The following FOLH1 variants were observed in gnomAD, a reference collection of about 807,000 sequenced individuals.
The protein encoded by FOLH1 is glutamate carboxypeptidase 2.
In FOLH1, 54 loss-of-function variants were observed where a neutral mutation model predicts 93.9. The ratio of observed to expected loss-of-function variants is 0.57; its 90% confidence interval spans 0.46 to 0.72. The LOEUF is 0.72. Ranked by LOEUF, FOLH1 falls within the 30% of genes least tolerant of loss-of-function variation. The pLI, the probability that FOLH1 is intolerant of heterozygous loss-of-function variation, is 0.00. For synonymous variants in FOLH1, 249 were observed against 303.6 expected (o/e 0.82, Z 1.87); for missense variants, 571 against 892.5 (o/e 0.64, Z 4.59).
At chr11:49,174,186 T>C (rs1340027626) in intron 9 of FOLH1, among the ~76,000 whole-genome samples, 3 of 152,172 alleles carry the variant, frequency 2.0e-5, no homozygotes, top group Non-Finnish European at 2.9e-5. Flanking sequence ...TATATATTGT[T>C]TAGTACTCTT....
At chr11:49,160,868 A>G (rs1333924903) in intron 13 of FOLH1, among the ~76,000 whole-genome samples, 1 of 152,148 alleles carries the variant, frequency 6.6e-6, no homozygotes, top group Non-Finnish European at 1.5e-5. Flanking sequence ...GAACTTCTTG[A>G]TTCCTGCTTT....
intron 3 of FOLH1, among the ~76,000 whole-genome samples, chr11:49,194,806 C>T (rs1016088944): frequency 7.9e-5 from 12 of 151,490 alleles, no homozygotes; most frequent in African/African-American, 1.7e-4. Context: ...AACATTATGA[C>T]GAGATAAAAA....
intron 3 of FOLH1, among the ~76,000 whole-genome samples, chr11:49,197,547 T>C (rs1157445373): frequency 6.6e-6 from 1 of 152,240 alleles, no homozygotes; most frequent in African/African-American, 2.4e-5. Flanking sequence ...ACAATGTCTC[T>C]GTATACATTA....
In FOLH1 at chr11:49,206,084, G is replaced by A. The variant is rs750664447; in HGVS notation, c.207C>T (p.Asn69=). Residue 69 remains asparagine, a synonymous_variant, in exon 2 of 19, where the codon AAC becomes AAT. Transcript: ENST00000256999. ...KAFLDELKAE[N]IKKFLYNFTQ... ...GTACTTACTATAAGAACTTCTTGAT[G>A]TTCTCAGCTTTCAATTCATCCAAAA... 6.2e-7 allele frequency: 1 copy of A among 1,611,694 alleles called. No homozygotes were observed. The highest frequency in any genetic ancestry group is 1.1e-5 in the South Asian group (1 of 90,662).
intron 4 of FOLH1, among the ~76,000 whole-genome samples, chr11:49,188,323 T>C (rs1159570451): frequency 6.6e-6 from 1 of 151,958 alleles, no homozygotes; most frequent in Non-Finnish European, 1.5e-5. Flanking sequence ...AAGACCAGCC[T>C]GGCCAACATA....
At chr11:49,208,240 C>T in intron 1 of FOLH1, 52 bp downstream of exon 1, 4 of 1,314,556 alleles carry the variant, frequency 3.0e-6, no homozygotes, top group Admixed American at 5.1e-5. Flanking sequence ...GTCCCAGCAC[C>T]GCGGCACCAC....
At chr11:49,169,328 T>C in intron 11 of FOLH1, 70 bp from the exon 12 acceptor site, 2 of 1,424,490 alleles carry the variant, frequency 1.4e-6, no homozygotes, top group Non-Finnish European at 2.0e-6. Flanking sequence ...AATGCACATC[T>C]ACATTTAATG....
intron 9 of FOLH1, among the ~76,000 whole-genome samples, chr11:49,173,680 A>T (rs914167085): frequency 6.6e-6 from 1 of 152,170 alleles, no homozygotes; most frequent in Non-Finnish European, 1.5e-5. Context: ...TGATAAAGCA[A>T]ATATATATTT....
intron 13 of FOLH1, among the ~76,000 whole-genome samples, chr11:49,162,172 TCTAG>T (rs758520301): frequency 2.0e-5 from 3 of 152,178 alleles, no homozygotes; most frequent in Non-Finnish European, 4.4e-5. Flanking sequence ...TGTTGGCCTA[TCTAG>T]CTATGTTGGG....
chr11:49,147,446 G>GT (rs35148842), intron 18 of FOLH1, among the ~76,000 whole-genome samples: 25 of 150,692 alleles, frequency 1.7e-4, no homozygotes, highest in African/African-American at 2.9e-4. Flanking sequence ...CTCTATTGTG[G>GT]TTTTTTTTTT....
At chr11:49,177,834 A>G (rs1226319003) in intron 7 of FOLH1, among the ~76,000 whole-genome samples, 1 of 151,278 alleles carries the variant, frequency 6.6e-6, no homozygotes, top group African/African-American at 2.4e-5. Flanking sequence ...ATGGTGGCAC[A>G]TGCCTGTAAT....
At chr11:49,182,467 A>T (rs1860877194) in intron 7 of FOLH1, among the ~76,000 whole-genome samples, 1 of 152,134 alleles carries the variant, frequency 6.6e-6, no homozygotes, top group African/African-American at 2.4e-5. Context: ...CAATAATGAA[A>T]GCAGAAGGGG....
intron 5 of FOLH1, 106 bp from the exon 6 acceptor site, chr11:49,185,961 C>A (rs1190569875): frequency 1.5e-6 from 2 of 1,346,074 alleles, no homozygotes; most frequent in Non-Finnish European, 9.8e-7. Context: ...ACTTTATCTT[C>A]AACCTTTTCT....
intron 3 of FOLH1, 68 bp from the exon 4 acceptor site, chr11:49,192,962 A>T (rs1862237716): frequency 7.5e-7 from 1 of 1,328,722 alleles, no homozygotes; most frequent in East Asian, 2.5e-5. Flanking sequence ...CAAACACAAA[A>T]AAAATGAATA....
chr11:49,183,905 T>TGGAAA (rs1861076835), intron 6 of FOLH1, among the ~76,000 whole-genome samples: 5 of 152,054 alleles, frequency 3.3e-5, no homozygotes, highest in Admixed American at 2.0e-4. Flanking sequence ...TCCAGAGTGA[T>TGGAAA]GGAAAGGCCC....
chr11:49,203,930 G>A (rs544254989), intron 2 of FOLH1, among the ~76,000 whole-genome samples: 244 of 152,254 alleles, frequency 1.6e-3, no homozygotes, highest in Non-Finnish European at 2.4e-3. Flanking sequence ...GCTCTTGATG[G>A]TCCACACCTG....
At chr11:49,170,016 A>G (rs1859042075) in intron 11 of FOLH1, among the ~76,000 whole-genome samples, 1 of 152,196 alleles carries the variant, frequency 6.6e-6, no homozygotes, top group African/African-American at 2.4e-5. Flanking sequence ...AACTTTGACT[A>G]AGTCTACAGG....
intron 3 of FOLH1, among the ~76,000 whole-genome samples, chr11:49,197,982 G>T (rs1459201630): frequency 6.6e-6 from 1 of 151,930 alleles, no homozygotes; most frequent in African/African-American, 2.4e-5. Flanking sequence ...AAGAACTAAT[G>T]ATATAAATTT....
At chr11:49,155,044 GA>G (rs1395111507) in intron 15 of FOLH1, among the ~76,000 whole-genome samples, 3 of 151,990 alleles carry the variant, frequency 2.0e-5, no homozygotes, top group Non-Finnish European at 2.9e-5. Flanking sequence ...CAGGTGTCAG[GA>G]AAACCAAAAG....
Sources: gnomAD v4.1 joint callset for allele counts (sites outside exome capture counted in the v4.1 genomes callset) on GRCh38, gnomAD v4.1.1 for gene constraint, MANE v1.5 for transcripts, NCBI Gene and HGNC (gene_info 2026-07-23, HGNC 2026-07-21) for gene names.